Variants in SLC49A4 observed in about 807,000 individuals in gnomAD.
SLC49A4 encodes solute carrier family 49 member 4, also known as disrupted in renal cancer protein 2.
Under a neutral mutation model 50.6 loss-of-function variants are expected in SLC49A4, and 36 were observed. The observed-to-expected ratio is 0.71, with a 90% CI of 0.55 to 0.94. The LOEUF (loss-of-function observed/expected upper bound fraction) is 0.94, where lower values mean the gene tolerates loss of function less well. Among genes scored for constraint, SLC49A4 ranks in the 40% least tolerant of loss-of-function variants. The pLI, the probability that SLC49A4 is intolerant of heterozygous loss-of-function variation, is 0.00. For synonymous variants in SLC49A4, 248 were observed against 241.2 expected (o/e 1.03, Z -0.26); for missense variants, 503 against 605.7 (o/e 0.83, Z 1.78).
chr3:122,856,278 A>G (rs1443801595), intron 5 of SLC49A4, 29 bp from the exon 6 acceptor site: 2 of 1,611,502 alleles, frequency 1.2e-6, no homozygotes, highest in African/African-American at 1.3e-5. Context: ...ATTGTCTTGT[A>G]TTAAATGTGT....
chr3:122,797,966 A>G (rs1936071499), intron 1 of SLC49A4, among the ~76,000 whole-genome samples: 1 of 152,174 alleles, frequency 6.6e-6, no homozygotes, highest in South Asian at 2.1e-4. Context: ...CAGTGACAGA[A>G]TGAGACCCTG....
intron 2 of SLC49A4, among the ~76,000 whole-genome samples, chr3:122,816,330 C>T (rs1392111653): frequency 1.3e-5 from 2 of 152,106 alleles, no homozygotes; most frequent in African/African-American, 4.8e-5. Context: ...TGCTTGCAAA[C>T]CAGCTAATTC....
chr3:122,812,988 C>T (rs1405696691), intron 2 of SLC49A4, among the ~76,000 whole-genome samples: 1 of 152,058 alleles, frequency 6.6e-6, no homozygotes, highest in Non-Finnish European at 1.5e-5. Context: ...GGCGTGATGC[C>T]TTTATAATCC....
intron 2 of SLC49A4, among the ~76,000 whole-genome samples, chr3:122,825,144 A>G (rs1936509000): frequency 1.3e-5 from 2 of 152,186 alleles, no homozygotes; most frequent in Non-Finnish European, 1.5e-5. Flanking sequence ...ACTCATTCCA[A>G]GCCTTCTAGT....
chr3:122,878,824 C>T (rs907963241), intron 8 of SLC49A4, among the ~76,000 whole-genome samples: 22 of 151,944 alleles, frequency 1.4e-4, no homozygotes, highest in African/African-American at 5.3e-4. Context: ...TATTTCTATC[C>T]AAAACATATA....
At chr3:122,823,586 CAA>C (rs1345342367) in intron 2 of SLC49A4, among the ~76,000 whole-genome samples, 2 of 152,106 alleles carry the variant, frequency 1.3e-5, no homozygotes, top group African/African-American at 4.8e-5. Context: ...GGTGACTACT[CAA>C]TATATGTTTG....
At chr3:122,849,586 AC>A in intron 5 of SLC49A4, among the ~76,000 whole-genome samples, 1 of 152,256 alleles carries the variant, frequency 6.6e-6, no homozygotes. Context: ...GTGATGCTGA[AC>A]ATTTCTTTTT....
intron 4 of SLC49A4, among the ~76,000 whole-genome samples, chr3:122,842,485 CAAAAAAAA>C (rs34914829): frequency 1.0e-4 from 6 of 58,778 alleles, no homozygotes; most frequent in Non-Finnish European, 1.2e-4. Context: ...GACTCCGTCT[CAAAAAAAA>C]AAAAAAAAAA....
intron 5 of SLC49A4, among the ~76,000 whole-genome samples, chr3:122,853,764 A>C (rs1936953423): frequency 6.6e-6 from 1 of 152,190 alleles, no homozygotes. Flanking sequence ...CATGTCACTC[A>C]CACAAAAAAT....
chr3:122,879,174 T>C, intron 8 of SLC49A4, 89 bp from the exon 9 acceptor site: 1 of 920,190 alleles, frequency 1.1e-6, no homozygotes, highest in East Asian at 2.4e-5. Flanking sequence ...AAGTACTTTT[T>C]AATGCAGAGC....
At chr3:122,849,693 G>C (rs1936900204) in intron 5 of SLC49A4, among the ~76,000 whole-genome samples, 1 of 151,860 alleles carries the variant, frequency 6.6e-6, no homozygotes, top group Non-Finnish European at 1.5e-5. Context: ...TTGCTGTTGA[G>C]TTGCTTGGGT....
At chr3:122,825,432 A>G (rs2107564789) in intron 2 of SLC49A4, among the ~76,000 whole-genome samples, 1 of 152,002 alleles carries the variant, frequency 6.6e-6, no homozygotes, top group East Asian at 1.9e-4. Flanking sequence ...TTAATTTAGT[A>G]ATATCAATAT....
At chr3:122,873,904 G>A (rs1937227577) in intron 8 of SLC49A4, among the ~76,000 whole-genome samples, 2 of 152,206 alleles carry the variant, frequency 1.3e-5, no homozygotes, top group East Asian at 1.9e-4. Context: ...GCCTGGTAAA[G>A]CATCGGAGAT....
At chr3:122,859,205 C>T (rs770341626) in intron 6 of SLC49A4, among the ~76,000 whole-genome samples, 1 of 152,078 alleles carries the variant, frequency 6.6e-6, no homozygotes, top group Admixed American at 6.5e-5. Flanking sequence ...AGGAGTAAGA[C>T]GTGAAGATCC....
intron 5 of SLC49A4, among the ~76,000 whole-genome samples, chr3:122,850,453 G>C (rs1194362684): frequency 1.3e-5 from 2 of 152,076 alleles, no homozygotes; most frequent in Admixed American, 1.3e-4. Flanking sequence ...AAGCACCTCT[G>C]GCGAGTATTC....
intron 8 of SLC49A4, among the ~76,000 whole-genome samples, chr3:122,877,354 G>A (rs1045518106): frequency 6.6e-6 from 1 of 152,220 alleles, no homozygotes; most frequent in African/African-American, 2.4e-5. Context: ...TTTTGAGAGA[G>A]AGGCACACAG....
chr3:122,865,079 G>T (rs1003950665), intron 7 of SLC49A4, among the ~76,000 whole-genome samples: 1 of 152,170 alleles, frequency 6.6e-6, no homozygotes, highest in Non-Finnish European at 1.5e-5. Flanking sequence ...ATATTTTCAT[G>T]TCTTTTGCCT....
intron 7 of SLC49A4, among the ~76,000 whole-genome samples, chr3:122,869,312 A>G (rs768359554): frequency 6.6e-6 from 1 of 152,134 alleles, no homozygotes; most frequent in Non-Finnish European, 1.5e-5. Flanking sequence ...ACAGATAGAT[A>G]ACGTGTATGT....
intron 7 of SLC49A4, among the ~76,000 whole-genome samples, chr3:122,863,373 G>T (rs1204450030): frequency 6.6e-6 from 1 of 152,210 alleles, no homozygotes; most frequent in Admixed American, 6.5e-5. Flanking sequence ...GTGAATGAAT[G>T]AATGAAGTAT....
Sources: allele counts gnomAD v4.1 joint callset (sites outside exome capture counted in the v4.1 genomes callset), GRCh38; gene constraint gnomAD v4.1.1; transcripts MANE v1.5; gene names NCBI Gene and HGNC (gene_info 2026-07-23, HGNC 2026-07-21).